CCSER1: variants seen among roughly 807,000 people sequenced by gnomAD.
The protein encoded by CCSER1 is serine-rich coiled-coil domain-containing protein 1.
Under a neutral mutation model 82.0 loss-of-function variants are expected in CCSER1, and 41 were observed. That is an observed-to-expected ratio of 0.50 (90% confidence interval 0.39 to 0.65). CCSER1 has a LOEUF of 0.65. Ranked by LOEUF, CCSER1 falls within the 30% of genes least tolerant of loss-of-function variation. The pLI is 0.00. For synonymous variants in CCSER1, 414 were observed against 383.9 expected (o/e 1.08, Z -0.92); for missense variants, 1,119 against 1,064.2 (o/e 1.05, Z -0.72).
intron 8 of CCSER1, among the ~76,000 whole-genome samples, chr4:90,914,561 A>G (rs946256427): frequency 1.3e-5 from 2 of 152,136 alleles, no homozygotes; most frequent in African/African-American, 4.8e-5. Context: ...TAAAACTGAC[A>G]CCCTAACATC....
intron 7 of CCSER1, among the ~76,000 whole-genome samples, chr4:90,755,843 T>TATATGCA (rs1429562938): frequency 3.3e-5 from 5 of 152,222 alleles, no homozygotes; most frequent in African/African-American, 1.2e-4. Context: ...TCAGCTAAAT[T>TATATGCA]ATATGCAATA....
chr4:90,543,580 AT>A (rs1284619235), intron 5 of CCSER1, among the ~76,000 whole-genome samples: 1 of 152,178 alleles, frequency 6.6e-6, no homozygotes, highest in African/African-American at 2.4e-5. Context: ...GTCATCTTTC[AT>A]TACCAGGCAC....
intron 3 of CCSER1, among the ~76,000 whole-genome samples, chr4:90,322,949 G>T (rs1561026336): frequency 6.6e-6 from 1 of 152,088 alleles, no homozygotes. Context: ...TTTACGCAAG[G>T]TCCAAATGTT....
At chr4:90,407,469 TAGAG>T (rs138365399) in intron 4 of CCSER1, among the ~76,000 whole-genome samples, 4,974 of 152,256 alleles carry the variant, frequency 0.033, 94 homozygotes, top group African/African-American at 0.057. Context: ...TTCTGAAAGA[TAGAG>T]AAAGAGGGAA....
chr4:91,055,190 A>G (rs1743338074), intron 9 of CCSER1, among the ~76,000 whole-genome samples: 1 of 151,990 alleles, frequency 6.6e-6, no homozygotes, highest in Non-Finnish European at 1.5e-5. Flanking sequence ...TACCATGGGG[A>G]TTACACTTAG....
rs569696463 is a variant in CCSER1 at position 91,582,207 on chromosome 4, G to A, written c.2218-16365G>A. Among the ~76,000 whole-genome samples, 76 of 151,560 alleles carry A rather than the reference G, an allele frequency of 5.0e-4. 2 individuals carry two copies. The highest frequency in any genetic ancestry group is 4.6e-4 in the Non-Finnish European group (31 of 67,602). On this transcript the variant is annotated intron_variant, in intron 10 of 10. Transcript: ENST00000509176. ...TTTTGAAAATGATTGCTACATGTAG[G>A]CAAGAAGAAGTTTGTGCAGAAACCA...
intron 7 of CCSER1, among the ~76,000 whole-genome samples, chr4:90,731,074 G>A (rs1037225001): frequency 6.6e-6 from 1 of 152,100 alleles, no homozygotes; most frequent in African/African-American, 2.4e-5. Flanking sequence ...GAAAGATTAT[G>A]ATGGCTTAAA....
chr4:90,286,760 G>T (rs1208223417), intron 1 of CCSER1, among the ~76,000 whole-genome samples: 1 of 151,856 alleles, frequency 6.6e-6, no homozygotes, highest in Non-Finnish European at 1.5e-5. Context: ...TGTAGTAGTA[G>T]AATTTTAATA....
intron 7 of CCSER1, among the ~76,000 whole-genome samples, chr4:90,778,242 C>G (rs945272637): frequency 1.3e-5 from 2 of 152,020 alleles, no homozygotes; most frequent in Admixed American, 1.3e-4. Flanking sequence ...TTTGTTGAGT[C>G]TGTATTTTAC....
At chr4:90,970,744 A>G (rs747123548) in intron 9 of CCSER1, among the ~76,000 whole-genome samples, 6 of 151,986 alleles carry the variant, frequency 3.9e-5, no homozygotes, top group Non-Finnish European at 8.8e-5. Flanking sequence ...ATTATTTCTG[A>G]CCACAATGGT....
At chr4:90,530,702 C>G (rs1251108293) in intron 5 of CCSER1, among the ~76,000 whole-genome samples, 1 of 152,106 alleles carries the variant, frequency 6.6e-6, no homozygotes, top group Admixed American at 6.5e-5. Flanking sequence ...ATAGGAAGAT[C>G]CTAGGTGAAA....
chr4:91,404,529 T>C (rs1005260680), intron 10 of CCSER1, among the ~76,000 whole-genome samples: 1 of 152,212 alleles, frequency 6.6e-6, no homozygotes, highest in Non-Finnish European at 1.5e-5. Flanking sequence ...CTTGTGGGCA[T>C]TAAGTGCTAT....
At chr4:90,144,203 T>C (rs567636265) in intron 1 of CCSER1, among the ~76,000 whole-genome samples, 1 of 152,358 alleles carries the variant, frequency 6.6e-6, no homozygotes, top group Admixed American at 6.5e-5. Flanking sequence ...TTCCTGAATG[T>C]GCTCCCATAC....
At chr4:91,187,985 T>C (rs993762912) in intron 10 of CCSER1, among the ~76,000 whole-genome samples, 2 of 152,170 alleles carry the variant, frequency 1.3e-5, no homozygotes, top group Non-Finnish European at 2.9e-5. Flanking sequence ...AGTAACCTTA[T>C]GATTTCCCAA....
At position 90,893,057 on chromosome 4, in the gene CCSER1, G is replaced by C. The variant is rs1723181866; in HGVS notation, c.2095-30313G>C. Among the ~76,000 whole-genome samples, 2 of 152,012 alleles carry C rather than the reference G, an allele frequency of 1.3e-5. 1 individual carries two copies. The highest frequency in any genetic ancestry group is 4.1e-4 in the South Asian group (2 of 4,828). On this transcript the variant is annotated intron_variant, in intron 8 of 10. Transcript: ENST00000509176. Reference sequence around the variant, plus strand: ...CAGGCACCTACTTCGTTTGGCCTGTGAGCTCATATTATCTGTGCAATATTG... The same window carrying C: ...CAGGCACCTACTTCGTTTGGCCTGTCAGCTCATATTATCTGTGCAATATTG...
chr4:90,378,859 T>C (rs1334616587), intron 3 of CCSER1, among the ~76,000 whole-genome samples: 1 of 152,178 alleles, frequency 6.6e-6, no homozygotes, highest in Non-Finnish European at 1.5e-5. Context: ...TATTAATGTC[T>C]CTCTACAGAG....
intron 10 of CCSER1, among the ~76,000 whole-genome samples, chr4:91,591,535 CA>C (rs1279006096): frequency 6.6e-6 from 1 of 151,984 alleles, no homozygotes; most frequent in Non-Finnish European, 1.5e-5. Context: ...GCAACTAGAC[CA>C]GTGTCAAATG....
intron 1 of CCSER1, among the ~76,000 whole-genome samples, chr4:90,173,820 A>G (rs562218294): frequency 1.3e-5 from 2 of 152,102 alleles, no homozygotes; most frequent in South Asian, 4.1e-4. Flanking sequence ...GGCTGTGATC[A>G]GTTATGGATT....
intron 10 of CCSER1, among the ~76,000 whole-genome samples, chr4:91,356,414 C>T (rs1748837294): frequency 6.6e-6 from 1 of 152,212 alleles, no homozygotes; most frequent in Non-Finnish European, 1.5e-5. Context: ...AATCTTACAA[C>T]TATTTGATTT....
Sources: gnomAD v4.1 joint callset for allele counts (sites outside exome capture counted in the v4.1 genomes callset) on GRCh38, gnomAD v4.1.1 for gene constraint, MANE v1.5 for transcripts, NCBI Gene and HGNC (gene_info 2026-07-23, HGNC 2026-07-21) for gene names.